The following ZSWIM6 variants were observed in gnomAD, a reference collection of about 807,000 sequenced individuals.
ZSWIM6 encodes the protein zinc finger SWIM-type containing 6, also known as zinc finger SWIM domain-containing protein 6.
ZSWIM6 carries 9 observed loss-of-function variants against 113.2 expected under a neutral mutation model. That is an observed-to-expected ratio of 0.08 (90% confidence interval 0.05 to 0.14). The LOEUF is 0.14. ZSWIM6 is among the 10% of genes least tolerant of loss of function. The pLI, the probability that ZSWIM6 is intolerant of heterozygous loss-of-function variation, is 1.00. For missense variants in ZSWIM6, 1,162 were observed against 1,552.2 expected (o/e 0.75, Z 4.22); for synonymous variants, 611 against 606.5 (o/e 1.01, Z -0.11).
chr5:61,517,774 T>A (rs533063284), intron 4 of ZSWIM6, among the ~76,000 whole-genome samples: 24 of 150,444 alleles, frequency 1.6e-4, no homozygotes, highest in African/African-American at 5.1e-4. Context: ...TTTTTAATTA[T>A]TTAATTATTT....
intron 1 of ZSWIM6, among the ~76,000 whole-genome samples, chr5:61,405,068 C>T (rs1001157786): frequency 6.6e-6 from 1 of 152,170 alleles, no homozygotes; most frequent in African/African-American, 2.4e-5. Flanking sequence ...GAACCAACAG[C>T]CAGAGCTTCT....
chr5:61,496,746 G>C (rs1368643272), intron 4 of ZSWIM6, among the ~76,000 whole-genome samples: 1 of 151,960 alleles, frequency 6.6e-6, no homozygotes, highest in Non-Finnish European at 1.5e-5. Flanking sequence ...CTCCAACACC[G>C]CGCCATTACA....
At chr5:61,390,667 A>G in intron 1 of ZSWIM6, 2 of 831,584 alleles carry the variant, frequency 2.4e-6, no homozygotes, top group Admixed American at 1.7e-5. Context: ...TGTTCCTGGC[A>G]TTAAGCTCCT....
At chr5:61,451,448 T>G (rs1490553420) in intron 1 of ZSWIM6, among the ~76,000 whole-genome samples, 1 of 152,184 alleles carries the variant, frequency 6.6e-6, no homozygotes, top group African/African-American at 2.4e-5. Flanking sequence ...ATAAGATACT[T>G]CAAAATCAGA....
intron 1 of ZSWIM6, among the ~76,000 whole-genome samples, chr5:61,435,462 AG>A (rs1337113343): frequency 6.6e-6 from 1 of 152,226 alleles, no homozygotes; most frequent in African/African-American, 2.4e-5. Flanking sequence ...CTTTAGATTT[AG>A]TACACACTAA....
At chr5:61,508,178 G>A (rs1748677059) in intron 4 of ZSWIM6, among the ~76,000 whole-genome samples, 1 of 152,094 alleles carries the variant, frequency 6.6e-6, no homozygotes, top group Admixed American at 6.6e-5. Context: ...TCAATAAATG[G>A]CAGCAATTAT....
In ZSWIM6 at chr5:61,521,459, G is replaced by A. The variant is rs1315220537; in HGVS notation, c.1513+17G>A. ...CCAACCAAGGTGAGTCTACCATAAT[G>A]TTCTGCTTAAATTGTAGCTACTTAA... is the stretch of plus-strand genomic sequence containing the variant. On this transcript the variant is annotated intron_variant, in intron 5 of 13. Coordinates refer to ENST00000252744, the MANE Select transcript of ZSWIM6 (RefSeq NM_020928.2). 3 of 1,432,202 alleles carry A rather than the reference G, an allele frequency of 2.1e-6. No homozygotes were observed. The highest frequency in any genetic ancestry group is 2.8e-6 in the Non-Finnish European group (3 of 1,084,870). 88.7% of individuals were successfully genotyped at this position (1,432,202 alleles called of 1,614,324 possible).
intron 1 of ZSWIM6, among the ~76,000 whole-genome samples, chr5:61,406,437 C>T (rs1579979550): frequency 6.6e-6 from 1 of 152,172 alleles, no homozygotes; most frequent in East Asian, 1.9e-4. Context: ...GTTGAAAGGA[C>T]TAGATCATCC....
At chr5:61,334,316 CT>C (rs1288516737) in intron 1 of ZSWIM6, among the ~76,000 whole-genome samples, 1 of 152,188 alleles carries the variant, frequency 6.6e-6, no homozygotes, top group Non-Finnish European at 1.5e-5. Context: ...TGTAGTGAAA[CT>C]TCCCATTTTT....
At chr5:61,371,011 G>C (rs748147056) in intron 1 of ZSWIM6, among the ~76,000 whole-genome samples, 5 of 152,206 alleles carry the variant, frequency 3.3e-5, no homozygotes, top group Non-Finnish European at 5.9e-5. Context: ...GGGCCATAGT[G>C]GTGGACAGCA....
Position 61,332,614 on chromosome 5 carries a change from C to T in ZSWIM6, c.342C>T (p.Phe114=), listed in dbSNP as rs1017507253. 18 of 1,270,848 alleles carry T rather than the reference C, an allele frequency of 1.4e-5. No homozygotes were observed. The highest frequency in any genetic ancestry group is 1.7e-5 in the Non-Finnish European group (17 of 975,076). The allele number at this position is 1,270,848 out of a possible 1,614,324, so 78.7% of individuals were successfully genotyped here. The change falls in exon 1 of 14, where the codon TTC becomes TTT. Residue 114 remains phenylalanine (F), a synonymous_variant. Transcript: ENST00000252744. ...AGCGCCGCATAGTCTATTGGTCCTT[C>T]CCCCGCAGCGAGCGGGAGATCTGCA... ...PVQRRIVYWS[F]PRSEREICMY... is the part of the protein sequence containing the mutation.
intron 4 of ZSWIM6, among the ~76,000 whole-genome samples, chr5:61,515,479 A>G (rs377075239): frequency 3.3e-4 from 51 of 152,240 alleles, no homozygotes; most frequent in African/African-American, 1.2e-3. Flanking sequence ...ACAGTCATGC[A>G]TGCAAGAGCG....
chr5:61,504,783 C>T (rs1293908536), intron 4 of ZSWIM6, among the ~76,000 whole-genome samples: 2 of 152,006 alleles, frequency 1.3e-5, no homozygotes, highest in Non-Finnish European at 2.9e-5. Context: ...CTCAGGGAAG[C>T]ACTTATGCGT....
intron 1 of ZSWIM6, among the ~76,000 whole-genome samples, chr5:61,354,680 A>C (rs1229955794): frequency 1.3e-5 from 2 of 152,158 alleles, no homozygotes; most frequent in African/African-American, 4.8e-5. Flanking sequence ...GCTCCATTTC[A>C]ATCCCCCTGC....
At chr5:61,362,255 A>G (rs753038905) in intron 1 of ZSWIM6, among the ~76,000 whole-genome samples, 8 of 151,654 alleles carry the variant, frequency 5.3e-5, no homozygotes, top group Admixed American at 2.0e-4. Context: ...CTGGAATGCA[A>G]TGGCCCCATC....
intron 1 of ZSWIM6, among the ~76,000 whole-genome samples, chr5:61,351,408 C>T (rs1201328882): frequency 6.6e-6 from 1 of 152,178 alleles, no homozygotes; most frequent in Non-Finnish European, 1.5e-5. Context: ...GATAGAACAA[C>T]TCTTAGATTT....
chr5:61,398,984 G>A (rs1309183471), intron 1 of ZSWIM6, among the ~76,000 whole-genome samples: 2 of 138,230 alleles, frequency 1.4e-5, no homozygotes, highest in Non-Finnish European at 3.1e-5. Context: ...GTGCAGTGGT[G>A]CGATCTCTGC....
At chr5:61,507,565 G>A (rs1288259957) in intron 4 of ZSWIM6, among the ~76,000 whole-genome samples, 1 of 152,128 alleles carries the variant, frequency 6.6e-6, no homozygotes, top group Non-Finnish European at 1.5e-5. Flanking sequence ...ATCATAAATT[G>A]AGCTTTTATT....
At chr5:61,464,772 C>T (rs1195675506) in intron 1 of ZSWIM6, among the ~76,000 whole-genome samples, 3 of 152,190 alleles carry the variant, frequency 2.0e-5, no homozygotes, top group Non-Finnish European at 4.4e-5. Flanking sequence ...AACAGCCAAG[C>T]ATTTCCAAAG....
Sources: gnomAD v4.1 joint callset for allele counts (sites outside exome capture counted in the v4.1 genomes callset) on GRCh38, gnomAD v4.1.1 for gene constraint, MANE v1.5 for transcripts, NCBI Gene and HGNC (gene_info 2026-07-23, HGNC 2026-07-21) for gene names.